The following SAMD5 variants were observed in gnomAD, a reference collection of about 807,000 sequenced individuals.
SAMD5 encodes sterile alpha motif domain containing 5.
Under a neutral mutation model 11.3 loss-of-function variants are expected in SAMD5, and 13 were observed. That is an observed-to-expected ratio of 1.15 (90% confidence interval 0.75 to 1.83). The LOEUF is 1.83. SAMD5 is among the 40% of genes most tolerant of loss of function. The pLI is 0.00. For missense variants in SAMD5, 255 were observed against 239.1 expected, an observed-to-expected ratio of 1.07 and a Z score of -0.44; for synonymous variants, 129 against 111.3, an observed-to-expected ratio of 1.16 and a Z score of -1.00.
At chr6:147,585,654 T>C (rs1247628734) in intron 1 of SAMD5, among the ~76,000 whole-genome samples, 1 of 152,102 alleles carries the variant, frequency 6.6e-6, no homozygotes, top group Admixed American at 6.5e-5. Context: ...TACTCCCCTC[T>C]TGGCAGGAGG....
At chr6:147,528,229 T>C (rs1788375191) in intron 1 of SAMD5, among the ~76,000 whole-genome samples, 1 of 152,208 alleles carries the variant, frequency 6.6e-6, no homozygotes, top group Non-Finnish European at 1.5e-5. Flanking sequence ...ATTTAACTCC[T>C]GACTGTATTA....
the SAMD5 span, among the ~76,000 whole-genome samples, chr6:147,763,470 A>ATTT: frequency 2.8e-5 from 4 of 142,854 alleles, no homozygotes; most frequent in Non-Finnish European, 4.6e-5. Context: ...CCCATCATGG[A>ATTT]TTTTTTTTTT....
the SAMD5 span, among the ~76,000 whole-genome samples, chr6:147,889,807 CAGAT>C: frequency 6.6e-6 from 1 of 152,192 alleles, no homozygotes; most frequent in Non-Finnish European, 1.5e-5. Context: ...TCATGGACCT[CAGAT>C]AGTTTCCTCA....
intron 1 of SAMD5, among the ~76,000 whole-genome samples, chr6:147,554,884 A>G (rs1034570684): frequency 1.3e-5 from 2 of 152,210 alleles, no homozygotes; most frequent in Admixed American, 6.5e-5. Context: ...GCCGTCCCCA[A>G]GGCCCTTTCA....
At chr6:147,554,547 T>C (rs1788824261) in intron 1 of SAMD5, among the ~76,000 whole-genome samples, 1 of 152,178 alleles carries the variant, frequency 6.6e-6, no homozygotes, top group Non-Finnish European at 1.5e-5. Context: ...AAAGCTCTTG[T>C]GATTGGCAAG....
At chr6:147,779,598 C>T in the SAMD5 span, among the ~76,000 whole-genome samples, 5 of 151,564 alleles carry the variant, frequency 3.3e-5, no homozygotes, top group African/African-American at 7.3e-5. Context: ...TGGGTTCAAG[C>T]GATTCTCCTG....
chr6:147,635,763 A>T (rs539134048), intron 1 of SAMD5, among the ~76,000 whole-genome samples: 3 of 152,310 alleles, frequency 2.0e-5, no homozygotes, highest in South Asian at 4.1e-4. Context: ...CCAAATAGCC[A>T]CTGCCCCTTT....
At chr6:147,558,248 A>T (rs1788889070) in intron 1 of SAMD5, among the ~76,000 whole-genome samples, 2 of 152,122 alleles carry the variant, frequency 1.3e-5, no homozygotes, top group African/African-American at 2.4e-5. Flanking sequence ...GGAGGGAGAG[A>T]ATGAGAACTT....
chr6:147,596,061 G>A (rs1789527548), intron 1 of SAMD5, among the ~76,000 whole-genome samples: 1 of 152,178 alleles, frequency 6.6e-6, no homozygotes, highest in Admixed American at 6.5e-5. Context: ...GAGTTTAGCT[G>A]TAATCCCTTC....
intron 1 of SAMD5, among the ~76,000 whole-genome samples, chr6:147,708,393 A>G (rs993944373): frequency 2.6e-5 from 4 of 152,160 alleles, no homozygotes; most frequent in Admixed American, 2.6e-4. Flanking sequence ...CTCTCCTTTC[A>G]CTATGAGAAA....
chr6:147,722,771 G>A lies in SAMD5; in HGVS notation c.163-14546G>A, dbSNP rs76358573. On this transcript the variant is annotated intron_variant, in intron 1 of 1. Transcript: ENST00000566741. ...GTCAGACACTGTGTATAAAATAACA[G>A]AAGAGACTGCACTCAATAGTATTAA... Among the ~76,000 whole-genome samples the A allele has an allele frequency of 3.4e-3, 525 of 152,270 alleles. 1 individual carries two copies. The highest frequency in any genetic ancestry group is 0.012 in the African/African-American group (500 of 41,560).
At chr6:147,863,493 A>G in the SAMD5 span, among the ~76,000 whole-genome samples, 11 of 152,214 alleles carry the variant, frequency 7.2e-5, no homozygotes, top group African/African-American at 2.2e-4. Context: ...GTTACCTACT[A>G]TGAAAGCCAC....
chr6:147,891,006 CA>C, the SAMD5 span, among the ~76,000 whole-genome samples: 2 of 152,098 alleles, frequency 1.3e-5, no homozygotes, highest in African/African-American at 2.4e-5. Context: ...CGTATGATTG[CA>C]TATGGATATT....
chr6:147,801,474 CAAG>C, the SAMD5 span, among the ~76,000 whole-genome samples: 1 of 152,052 alleles, frequency 6.6e-6, no homozygotes, highest in African/African-American at 2.4e-5. Context: ...CAGGAACCAG[CAAG>C]AAGGAGAAAG....
chr6:147,825,473 A>T, the SAMD5 span, among the ~76,000 whole-genome samples: 1,019 of 152,322 alleles, frequency 6.7e-3, 12 homozygotes, highest in African/African-American at 0.023. Context: ...GGTTCTTGGC[A>T]TATTTATATG....
At chr6:147,827,151 C>T in the SAMD5 span, among the ~76,000 whole-genome samples, 2 of 152,052 alleles carry the variant, frequency 1.3e-5, no homozygotes, top group African/African-American at 4.8e-5. Flanking sequence ...CAAATTAGCT[C>T]GGAGTGCAAA....
intron 1 of SAMD5, among the ~76,000 whole-genome samples, chr6:147,613,541 C>A (rs565699930): frequency 6.6e-6 from 1 of 151,534 alleles, no homozygotes; most frequent in African/African-American, 2.4e-5. Flanking sequence ...CCACCAGGCC[C>A]GCTGCCTGCT....
At chr6:147,647,926 T>G (rs998427188) in intron 1 of SAMD5, among the ~76,000 whole-genome samples, 1 of 152,230 alleles carries the variant, frequency 6.6e-6, no homozygotes, top group Non-Finnish European at 1.5e-5. Flanking sequence ...AAACCCGTTC[T>G]TCTGTTGGAC....
intron 1 of SAMD5, among the ~76,000 whole-genome samples, chr6:147,667,287 C>T (rs535278319): frequency 1.3e-5 from 2 of 151,842 alleles, no homozygotes; most frequent in African/African-American, 4.8e-5. Flanking sequence ...GAATCGTCAG[C>T]ATCTTTTTTT....
Sources: allele counts gnomAD v4.1 joint callset (sites outside exome capture counted in the v4.1 genomes callset), GRCh38; gene constraint gnomAD v4.1.1; transcripts MANE v1.5; gene names NCBI Gene and HGNC (gene_info 2026-07-23, HGNC 2026-07-21).